Variants in TPST1 observed in about 807,000 individuals in gnomAD.
The protein encoded by TPST1 is protein-tyrosine sulfotransferase 1.
Under a neutral mutation model 34.8 loss-of-function variants are expected in TPST1, and 20 were observed. The observed-to-expected ratio is 0.57, with a 90% confidence interval of 0.40 to 0.84. The LOEUF is 0.84. Ranked by LOEUF, TPST1 falls within the 40% of genes least tolerant of loss-of-function variation. The pLI is 0.00. For missense variants in TPST1, 353 were observed against 455.5 expected, an observed-to-expected ratio of 0.78 and a Z score of 2.05; for synonymous variants, 152 against 159.4, an observed-to-expected ratio of 0.95 and a Z score of 0.35.
chr7:66,235,631 T>C (rs942702861), intron 1 of TPST1, among the ~76,000 whole-genome samples: 3 of 152,162 alleles, frequency 2.0e-5, no homozygotes, highest in Admixed American at 2.0e-4. Context: ...TTCCAAAATC[T>C]GAGACAGGTA....
At chr7:66,234,444 C>G (rs891489055) in intron 1 of TPST1, among the ~76,000 whole-genome samples, 15 of 147,030 alleles carry the variant, frequency 1.0e-4, no homozygotes, top group Non-Finnish European at 2.0e-4. Flanking sequence ...CACACACACA[C>G]ACACGGAAAC....
intron 1 of TPST1, chr7:66,221,767 C>T (rs1277239938): frequency 6.6e-6 from 1 of 152,036 alleles, no homozygotes; most frequent in African/African-American, 2.4e-5. Flanking sequence ...CTGGGCTTTT[C>T]TTTTTAGTGT....
At chr7:66,320,910 G>A (rs532839778) in intron 3 of TPST1, among the ~76,000 whole-genome samples, 1 of 152,060 alleles carries the variant, frequency 6.6e-6, no homozygotes, top group African/African-American at 2.4e-5. Context: ...GTTCATTTTT[G>A]TTATTTAATA....
At chr7:66,222,539 T>G (rs1789566241) in intron 1 of TPST1, among the ~76,000 whole-genome samples, 1 of 152,126 alleles carries the variant, frequency 6.6e-6, no homozygotes, top group South Asian at 2.1e-4. Flanking sequence ...ATGTGTGCTT[T>G]GAGGTTACAG....
intron 2 of TPST1, among the ~76,000 whole-genome samples, chr7:66,251,556 A>C (rs920424318): frequency 2.0e-5 from 3 of 152,150 alleles, no homozygotes; most frequent in African/African-American, 7.2e-5. Flanking sequence ...GAAGTCATGA[A>C]ATGTTTGTCT....
intron 2 of TPST1, among the ~76,000 whole-genome samples, chr7:66,248,504 T>G (rs1269331180): frequency 5.1e-5 from 1 of 19,496 alleles, no homozygotes; most frequent in East Asian, 7.4e-4. Context: ...ACATTTAGTG[T>G]TTTTTTTTTT....
chr7:66,258,615 A>T (rs1027788542), intron 2 of TPST1, among the ~76,000 whole-genome samples: 6 of 152,298 alleles, frequency 3.9e-5, no homozygotes, highest in Non-Finnish European at 5.9e-5. Context: ...TGGCTCACAG[A>T]GGCTCCTTTC....
intron 3 of TPST1, among the ~76,000 whole-genome samples, chr7:66,349,638 G>A (rs1792430038): frequency 6.6e-6 from 1 of 152,114 alleles, no homozygotes; most frequent in South Asian, 2.1e-4. Flanking sequence ...CAAGAGAAGA[G>A]GGACTGGGGC....
chr7:66,295,918 T>A (rs542808754), intron 3 of TPST1, among the ~76,000 whole-genome samples: 3 of 152,204 alleles, frequency 2.0e-5, no homozygotes, highest in Non-Finnish European at 4.4e-5. Flanking sequence ...TAGGATTACA[T>A]GAGCCACTCT....
At chr7:66,234,930 C>T (rs1789880570) in intron 1 of TPST1, among the ~76,000 whole-genome samples, 2 of 152,140 alleles carry the variant, frequency 1.3e-5, no homozygotes, top group South Asian at 2.1e-4. Context: ...ACCTTGGCCT[C>T]CCAAAGTGCT....
At chr7:66,274,859 A>C (rs1208874863) in intron 2 of TPST1, among the ~76,000 whole-genome samples, 1 of 152,212 alleles carries the variant, frequency 6.6e-6, no homozygotes, top group Non-Finnish European at 1.5e-5. Flanking sequence ...AGAAATGCAA[A>C]TTAAAACTAC....
chr7:66,335,559 T>C (rs1355546541), intron 3 of TPST1, among the ~76,000 whole-genome samples: 1 of 152,134 alleles, frequency 6.6e-6, no homozygotes, highest in African/African-American at 2.4e-5. Flanking sequence ...TGGAGAACAA[T>C]GTTTACCTTT....
intron 1 of TPST1, among the ~76,000 whole-genome samples, chr7:66,220,647 A>T (rs1789522634): frequency 8.2e-6 from 1 of 121,434 alleles, no homozygotes; most frequent in Non-Finnish European, 1.7e-5. Flanking sequence ...CAGGTGGATG[A>T]CAGTGGCACT....
chr7:66,243,227 A>C (rs1463021769), intron 2 of TPST1, among the ~76,000 whole-genome samples: 3 of 152,022 alleles, frequency 2.0e-5, no homozygotes, highest in African/African-American at 4.8e-5. Context: ...AAGTGTCTCT[A>C]TCATTCATGT....
chr7:66,226,173 C>T (rs893228273), intron 1 of TPST1, among the ~76,000 whole-genome samples: 2 of 152,114 alleles, frequency 1.3e-5, no homozygotes, highest in Non-Finnish European at 2.9e-5. Context: ...AGACGTGAGC[C>T]ACTGTGCCCC....
At chr7:66,356,947 G>C (rs931553901) in intron 5 of TPST1, 76 bp downstream of exon 5, 6 of 1,465,676 alleles carry the variant, frequency 4.1e-6, no homozygotes, top group Non-Finnish European at 5.7e-6. Flanking sequence ...GGCCAAGGTG[G>C]AGAGCACAGC....
At chr7:66,342,882 T>G (rs1009049351) in intron 3 of TPST1, among the ~76,000 whole-genome samples, 3 of 152,096 alleles carry the variant, frequency 2.0e-5, no homozygotes, top group African/African-American at 7.2e-5. Flanking sequence ...AGGCCCCACC[T>G]TCAACACTGG....
intron 1 of TPST1, among the ~76,000 whole-genome samples, chr7:66,211,477 C>A (rs192708039): frequency 6.6e-6 from 1 of 152,296 alleles, no homozygotes. Flanking sequence ...GAAACCATGC[C>A]TTATTTATCT....
chr7:66,209,992 C>T (rs1392336546), intron 1 of TPST1, among the ~76,000 whole-genome samples: 1 of 152,106 alleles, frequency 6.6e-6, no homozygotes, highest in African/African-American at 2.4e-5. Flanking sequence ...AGAAAAATTA[C>T]TCTGATCTCT....
Sources: allele counts gnomAD v4.1 joint callset (sites outside exome capture counted in the v4.1 genomes callset), GRCh38; gene constraint gnomAD v4.1.1; transcripts MANE v1.5; gene names NCBI Gene and HGNC (gene_info 2026-07-23, HGNC 2026-07-21).